MAP4: variants seen among roughly 807,000 people sequenced by gnomAD.
MAP4 encodes microtubule-associated protein 4.
MAP4 carries 76 observed loss-of-function variants against 170.2 expected under a neutral mutation model. That is an observed-to-expected ratio of 0.45 (90% CI 0.37 to 0.54). The LOEUF (loss-of-function observed/expected upper bound fraction) is 0.54. Among genes scored for constraint, MAP4 ranks in the 20% least tolerant of loss-of-function variants. The pLI is 0.00. For synonymous variants in MAP4, 909 were observed against 994.5 expected (o/e 0.91, Z 1.62); for missense variants, 2,506 against 2,748.0 (o/e 0.91, Z 1.97).
At chr3:47,862,284 C>A (rs1486280303) in intron 17 of MAP4, among the ~76,000 whole-genome samples, 1 of 112,766 alleles carries the variant, frequency 8.9e-6, no homozygotes, top group Admixed American at 1.3e-4. Context: ...GCTATTTATA[C>A]AAAAATATGA....
intron 2 of MAP4, among the ~76,000 whole-genome samples, chr3:47,978,941 AAT>A (rs1195679814): frequency 6.6e-6 from 1 of 151,968 alleles, no homozygotes; most frequent in African/African-American, 2.4e-5. Context: ...ATGTATTCCA[AAT>A]ATCACTCCTT....
At chr3:48,013,452 C>T (rs2100106335) in intron 1 of MAP4, 1 of 152,082 alleles carries the variant, frequency 6.6e-6, no homozygotes, top group South Asian at 2.1e-4. Flanking sequence ...TTTACTGAAG[C>T]ACCAGTTTAA....
intron 1 of MAP4, among the ~76,000 whole-genome samples, chr3:48,012,426 A>G (rs1052232836): frequency 6.6e-6 from 1 of 152,222 alleles, no homozygotes; most frequent in African/African-American, 2.4e-5. Flanking sequence ...TTAAAAGGAC[A>G]TCTGTGCCAT....
chr3:47,984,245 G>A (rs758308367), intron 2 of MAP4, among the ~76,000 whole-genome samples: 7 of 151,736 alleles, frequency 4.6e-5, no homozygotes, highest in East Asian at 3.9e-4. Flanking sequence ...TACTCTTCCC[G>A]CCTCTGCCTC....
At chr3:47,986,636 C>T (rs1328245239) in intron 2 of MAP4, among the ~76,000 whole-genome samples, 2 of 152,206 alleles carry the variant, frequency 1.3e-5, no homozygotes, top group East Asian at 1.9e-4. Flanking sequence ...CCCCGGGTCC[C>T]GGTCCCCTGC....
chr3:47,993,812 T>C (rs917356045), intron 2 of MAP4, among the ~76,000 whole-genome samples: 1 of 152,240 alleles, frequency 6.6e-6, no homozygotes, highest in Non-Finnish European at 1.5e-5. Context: ...CTTTGTCTGT[T>C]GACTTTCTGG....
intron 10 of MAP4, among the ~76,000 whole-genome samples, chr3:47,894,715 T>A (rs946982294): frequency 1.3e-5 from 2 of 152,062 alleles, no homozygotes; most frequent in African/African-American, 4.8e-5. Flanking sequence ...ATGTACAATA[T>A]GTGAGGAAAA....
At chr3:47,972,360 T>C (rs1276868455) in intron 3 of MAP4, among the ~76,000 whole-genome samples, 5 of 152,188 alleles carry the variant, frequency 3.3e-5, no homozygotes, top group East Asian at 1.9e-4. Flanking sequence ...TAGGAAGACT[T>C]TGAATGTGAA....
chr3:47,864,427 A>G (rs2075717109), intron 17 of MAP4, among the ~76,000 whole-genome samples: 1 of 152,286 alleles, frequency 6.6e-6, no homozygotes, highest in Middle Eastern at 3.4e-3. Context: ...CTGTAATCCC[A>G]GCACTTTGGG....
chr3:48,086,103 T>C (rs927446131), intron 1 of MAP4, among the ~76,000 whole-genome samples: 13 of 149,978 alleles, frequency 8.7e-5, no homozygotes, highest in African/African-American at 3.0e-4. Flanking sequence ...TGTATATATA[T>C]GTATATGTGT....
At chr3:47,930,187 T>C (rs1324381068) in intron 3 of MAP4, among the ~76,000 whole-genome samples, 2 of 151,904 alleles carry the variant, frequency 1.3e-5, no homozygotes, top group African/African-American at 4.8e-5. Flanking sequence ...GGCTCACGCC[T>C]GTAATCCCAG....
At position 47,951,485 on chromosome 3, in the gene MAP4, G is replaced by C. The variant is rs531740234; in HGVS notation, c.293-23135C>G. ...CTGTCTCAGCCTGCCTAGTGCCTGC[G>C]ATTGCAGACGCGCGCCGCCACGCCT... is the stretch of plus-strand genomic sequence containing the variant. On this transcript the variant is annotated intron_variant, in intron 3 of 20. Transcript: ENST00000683076. 2.2e-4 allele frequency among the ~76,000 whole-genome samples: 33 copies of C among 152,284 alleles called. 1 individual carries two copies. The South Asian group carries it at 6.2e-3, about 29-fold the overall frequency.
intron 1 of MAP4, among the ~76,000 whole-genome samples, chr3:48,078,036 A>G (rs1162644041): frequency 6.6e-6 from 1 of 152,164 alleles, no homozygotes; most frequent in Non-Finnish European, 1.5e-5. Context: ...AATGGAAGAG[A>G]CTGCTAACGG....
intron 17 of MAP4, among the ~76,000 whole-genome samples, chr3:47,864,570 G>C (rs1012739488): frequency 6.6e-6 from 1 of 152,146 alleles, no homozygotes; most frequent in Admixed American, 6.6e-5. Flanking sequence ...CCAGCTACTC[G>C]GGAGGCTGAA....
intron 1 of MAP4, among the ~76,000 whole-genome samples, chr3:48,068,753 C>G (rs2100139603): frequency 6.6e-6 from 1 of 152,328 alleles, no homozygotes; most frequent in East Asian, 1.9e-4. Flanking sequence ...CACTGCACTC[C>G]AGCCTGGGCA....
intron 1 of MAP4, among the ~76,000 whole-genome samples, chr3:48,057,794 A>G (rs147587264): frequency 1.6e-4 from 24 of 152,316 alleles, no homozygotes; most frequent in Middle Eastern, 3.4e-3. Flanking sequence ...TTGTACCATG[A>G]TTCTGCAAGA....
At chr3:48,072,197 ATAC>A (rs550921639) in intron 1 of MAP4, among the ~76,000 whole-genome samples, 1 of 151,392 alleles carries the variant, frequency 6.6e-6, no homozygotes, top group East Asian at 2.0e-4. Context: ...CATCTCAAAA[ATAC>A]TACTACTACT....
At chr3:47,986,822 CTAAA>C (rs1374238135) in intron 2 of MAP4, among the ~76,000 whole-genome samples, 3 of 152,178 alleles carry the variant, frequency 2.0e-5, no homozygotes, top group Admixed American at 1.3e-4. Context: ...ATAAACTTCC[CTAAA>C]TATGATCATG....
At chr3:48,079,821 G>C (rs1197926783) in intron 1 of MAP4, among the ~76,000 whole-genome samples, 1 of 151,740 alleles carries the variant, frequency 6.6e-6, no homozygotes, top group Non-Finnish European at 1.5e-5. Context: ...ACGGTGGCAG[G>C]TACTTGTAGT....
Sources: allele counts gnomAD v4.1 joint callset (sites outside exome capture counted in the v4.1 genomes callset), GRCh38; gene constraint gnomAD v4.1.1; transcripts MANE v1.5; gene names NCBI Gene and HGNC (gene_info 2026-07-23, HGNC 2026-07-21).